Variants in NRXN3 observed in about 807,000 individuals in gnomAD.
NRXN3 encodes neurexin 3.
In NRXN3, 32 loss-of-function variants were observed where a neutral mutation model predicts 137.6. The observed-to-expected ratio is 0.23, with a 90% CI of 0.18 to 0.31. The LOEUF (loss-of-function observed/expected upper bound fraction) is 0.31, where lower values mean the gene tolerates loss of function less well. Ranked by LOEUF, NRXN3 falls within the 10% of genes least tolerant of loss-of-function variation. The pLI, the probability that NRXN3 is intolerant of heterozygous loss-of-function variation, is 1.00. For missense variants in NRXN3, 1,574 were observed against 2,062.5 expected (o/e 0.76, Z 4.59); for synonymous variants, 798 against 784.5 (o/e 1.02, Z -0.29).
At chr14:78,973,333 A>G (rs931202482) in intron 14 of NRXN3, among the ~76,000 whole-genome samples, 7 of 152,208 alleles carry the variant, frequency 4.6e-5, no homozygotes, top group Admixed American at 3.9e-4. Flanking sequence ...TTATGCCTTA[A>G]GTTATTATTT....
intron 19 of NRXN3, among the ~76,000 whole-genome samples, chr14:79,727,554 T>C (rs111456201): frequency 2.8e-4 from 43 of 152,132 alleles, no homozygotes; most frequent in African/African-American, 1.0e-3. Flanking sequence ...AGAGCCCAAA[T>C]GACTTGTATG....
chr14:79,370,553 G>A (rs1414469168), intron 15 of NRXN3, among the ~76,000 whole-genome samples: 1 of 151,674 alleles, frequency 6.6e-6, no homozygotes, highest in Non-Finnish European at 1.5e-5. Flanking sequence ...CCTGACCTCA[G>A]GTGATCTGCC....
intron 15 of NRXN3, among the ~76,000 whole-genome samples, chr14:79,083,050 G>C (rs2047373440): frequency 6.6e-6 from 1 of 152,124 alleles, no homozygotes; most frequent in African/African-American, 2.4e-5. Flanking sequence ...ATTTTTAAAT[G>C]GATGGTGACA....
At chr14:78,352,487 C>T (rs1419634860) in intron 4 of NRXN3, among the ~76,000 whole-genome samples, 1 of 152,160 alleles carries the variant, frequency 6.6e-6, no homozygotes, top group Non-Finnish European at 1.5e-5. Flanking sequence ...CTCTAGATAG[C>T]TCCAGTTGAG....
chr14:79,860,999 C>A lies in NRXN3; in HGVS notation c.4094-343C>A, dbSNP rs1287779540. The stretch of plus-strand genomic sequence containing the variant: ...ACGTTGGTTGAGTGAGAGTTGTTTA[C>A]AAATATACTAATTGTTTTTCTTTTT... On this transcript the variant is annotated intron_variant, in intron 20 of 20. Coordinates refer to ENST00000335750, the MANE Select transcript of NRXN3 (RefSeq NM_001330195.2). 19 of 1,278,722 alleles carry A rather than the reference C, an allele frequency of 1.5e-5. No homozygotes were observed. In the East Asian group the frequency reaches 5.0e-4, roughly 33 times the overall value. The allele number at this position is 1,278,722 out of a possible 1,614,324, so 79.2% of individuals were successfully genotyped here.
chr14:79,012,935 C>A (rs2099573509), intron 15 of NRXN3, among the ~76,000 whole-genome samples: 1 of 152,130 alleles, frequency 6.6e-6, no homozygotes, highest in Admixed American at 6.5e-5. Flanking sequence ...AGCATATTTT[C>A]TTCAGCATTT....
chr14:78,318,628 G>A lies in NRXN3; in HGVS notation c.757+20768G>A, dbSNP rs111238842. ...ATTTTGAGGCAGCAACATCCCCCCC[G>A]ATTCCCCCAATGTCACTGCGGGTGT... On this transcript the variant is annotated intron_variant, in intron 4 of 20. Coordinates refer to ENST00000335750, the MANE Select transcript of NRXN3 (RefSeq NM_001330195.2). Among the ~76,000 whole-genome samples, 455 of 152,084 alleles carry A rather than the reference G, an allele frequency of 3.0e-3. 2 individuals carry two copies. The highest frequency in any genetic ancestry group is 0.014 in the Middle Eastern group (4 of 294).
At chr14:78,493,212 A>G (rs1376425562) in intron 4 of NRXN3, among the ~76,000 whole-genome samples, 2 of 152,126 alleles carry the variant, frequency 1.3e-5, no homozygotes, top group East Asian at 3.9e-4. Context: ...ATCTTCAGAC[A>G]AAAATAGATT....
At chr14:78,784,448 C>G (rs1467305308) in intron 8 of NRXN3, among the ~76,000 whole-genome samples, 3 of 152,188 alleles carry the variant, frequency 2.0e-5, no homozygotes, top group Non-Finnish European at 2.9e-5. Flanking sequence ...AACTGGCACA[C>G]TTTTGAGTAA....
chr14:79,172,206 T>C (rs1297909835), intron 15 of NRXN3, among the ~76,000 whole-genome samples: 1 of 150,032 alleles, frequency 6.7e-6, no homozygotes, highest in Non-Finnish European at 1.5e-5. Flanking sequence ...AAAAAAACAA[T>C]TAACTGTGAA....
At chr14:79,735,128 G>A (rs1041957823) in intron 19 of NRXN3, among the ~76,000 whole-genome samples, 5 of 152,158 alleles carry the variant, frequency 3.3e-5, no homozygotes, top group Non-Finnish European at 7.4e-5. Flanking sequence ...TCTCACTATA[G>A]AATGTTAGGT....
intron 10 of NRXN3, among the ~76,000 whole-genome samples, chr14:78,914,241 G>A (rs1272644092): frequency 1.3e-5 from 2 of 152,198 alleles, no homozygotes; most frequent in African/African-American, 4.8e-5. Flanking sequence ...TCCATCAATT[G>A]AATCAATGTA....
At chr14:79,097,848 T>C (rs2050621117) in intron 15 of NRXN3, among the ~76,000 whole-genome samples, 1 of 152,160 alleles carries the variant, frequency 6.6e-6, no homozygotes, top group Non-Finnish European at 1.5e-5. Flanking sequence ...ATGTCAGAAA[T>C]GCTGTGCAAA....
chr14:78,507,054 C>G (rs558693353), intron 4 of NRXN3, among the ~76,000 whole-genome samples: 13 of 152,154 alleles, frequency 8.5e-5, no homozygotes, highest in African/African-American at 2.9e-4. Flanking sequence ...TTAAAACATT[C>G]CATAGGCCAA....
At chr14:79,297,370 G>A (rs1241013845) in intron 15 of NRXN3, among the ~76,000 whole-genome samples, 2 of 152,064 alleles carry the variant, frequency 1.3e-5, no homozygotes, top group Non-Finnish European at 2.9e-5. Flanking sequence ...GTACAGGTAT[G>A]TCCCATGCAA....
chr14:79,437,015 A>C (rs1484746373), intron 15 of NRXN3, among the ~76,000 whole-genome samples: 1 of 152,074 alleles, frequency 6.6e-6, no homozygotes, highest in Non-Finnish European at 1.5e-5. Flanking sequence ...AAAACCTTTT[A>C]GTGTTTCTCA....
chr14:79,175,822 T>C (rs1175617288), intron 15 of NRXN3, among the ~76,000 whole-genome samples: 1 of 152,226 alleles, frequency 6.6e-6, no homozygotes, highest in Non-Finnish European at 1.5e-5. Flanking sequence ...GATAGCACAT[T>C]GTTTAAATCA....
At chr14:79,323,563 ATATTT>A (rs1195224064) in intron 15 of NRXN3, among the ~76,000 whole-genome samples, 3 of 152,292 alleles carry the variant, frequency 2.0e-5, no homozygotes. Context: ...ATTGTTTTTA[ATATTT>A]TATATAGTAG....
chr14:79,837,459 G>T (rs1285722446), intron 20 of NRXN3, among the ~76,000 whole-genome samples: 1 of 152,110 alleles, frequency 6.6e-6, no homozygotes, highest in Non-Finnish European at 1.5e-5. Context: ...TTACTTTCTG[G>T]AAGCTTTGCT....
Sources: gnomAD v4.1 joint callset for allele counts (sites outside exome capture counted in the v4.1 genomes callset) on GRCh38, gnomAD v4.1.1 for gene constraint, MANE v1.5 for transcripts, NCBI Gene and HGNC (gene_info 2026-07-23, HGNC 2026-07-21) for gene names.